ITGB4: variants seen among roughly 807,000 people sequenced by gnomAD.
ITGB4 encodes integrin subunit beta 4, also known as integrin beta-4.
ITGB4 carries 159 observed loss-of-function variants against 207.6 expected under a neutral mutation model. The observed-to-expected ratio is 0.77, with a 90% CI of 0.67 to 0.87. The LOEUF (loss-of-function observed/expected upper bound fraction) is 0.87, where lower values mean the gene tolerates loss of function less well. Ranked by LOEUF, ITGB4 falls within the 40% of genes least tolerant of loss-of-function variation. ITGB4 has a pLI of 0.00. For synonymous variants in ITGB4, 1,020 were observed against 1,062.7 expected (o/e 0.96, Z 0.78); for missense variants, 2,278 against 2,546.8 (o/e 0.89, Z 2.27).
intron 26 of ITGB4, among the ~76,000 whole-genome samples, chr17:75,748,585 A>G (rs1409103501): frequency 1.3e-5 from 2 of 151,114 alleles, no homozygotes; most frequent in Non-Finnish European, 2.9e-5. Flanking sequence ...TGTGAGAATC[A>G]TTTGAACCTG....
chr17:75,746,744 A>G (rs2061240790), intron 26 of ITGB4, among the ~76,000 whole-genome samples: 1 of 149,980 alleles, frequency 6.7e-6, no homozygotes, highest in Admixed American at 6.6e-5. Flanking sequence ...GTTCAAGACC[A>G]GCCTGGCCAA....
At chr17:75,749,707 G>A (rs2061322298) in intron 27 of ITGB4, among the ~76,000 whole-genome samples, 1 of 152,232 alleles carries the variant, frequency 6.6e-6, no homozygotes, top group Admixed American at 6.5e-5. Context: ...CTTGTGGAAG[G>A]AAGGAGTGGG....
rs531864331 is a variant in ITGB4 at position 75,739,483 on chromosome 17, C to T, written c.2221-189C>T. ...AGTTCCACGGCGCAAACTTTGGGAA[C>T]CCTCTGCCCCCATCCCCCTCTATGC... On this transcript the variant is annotated intron_variant, in intron 18 of 39. Transcript: ENST00000200181. This position sits in a 1 kb window ranked among gnomAD's most constrained non-coding sequence, Gnocchi z 5.4. 1.1e-4 allele frequency among the ~76,000 whole-genome samples: 16 copies of T among 152,210 alleles called. No individual in the cohort carries two copies. The highest frequency in any genetic ancestry group is 1.8e-4 in the Non-Finnish European group (12 of 67,996).
At chr17:75,751,254 T>G in intron 30 of ITGB4, 143 bp downstream of exon 30, 1 of 1,020,262 alleles carries the variant, frequency 9.8e-7, no homozygotes, top group Non-Finnish European at 1.5e-6. Context: ...CGGATAAGCC[T>G]GAGGCATCTT....
chr17:75,739,194 C>T lies in ITGB4; in HGVS notation c.2221-478C>T, dbSNP rs181930154. Among the ~76,000 whole-genome samples the T allele has an allele frequency of 4.0e-5, 6 of 150,204 alleles. No homozygotes were observed. The East Asian group carries it at 1.2e-3, about 29-fold the overall frequency. On this transcript the variant is annotated intron_variant, in intron 18 of 39. Coordinates refer to ENST00000200181, the MANE Select transcript of ITGB4 (RefSeq NM_000213.5). The surrounding 1 kb of genome is among the most constrained non-coding windows in gnomAD (Gnocchi z 5.4). Reference sequence around the variant, plus strand: ...CCTATAATCCCAGTTACTAGGGGGGCTGAGGCAGGAGAATTGCTTGAACCT... The same window carrying T: ...CCTATAATCCCAGTTACTAGGGGGGTTGAGGCAGGAGAATTGCTTGAACCT...
Position 75,727,676 on chromosome 17 carries a change from G to A in ITGB4, c.290G>A (p.Arg97Gln), listed in dbSNP as rs775271245. The A allele has an allele frequency of 2.8e-5, 45 of 1,609,384 alleles. No homozygotes were observed. The highest frequency in any genetic ancestry group is 5.3e-5 in the African/African-American group (4 of 74,828). Residue 97 changes from arginine (R) to glutamine (Q), a missense_variant, in exon 5 of 40, where the codon CGG (arginine) becomes CAG (glutamine). Physicochemically the swap from Arg to Gln is conservative, Grantham distance 43. Transcript: ENST00000200181. This position sits in a 1 kb window ranked among gnomAD's most constrained non-coding sequence, Gnocchi z 6.0. ...TEETQIDTTL[R>Q]RSQMSPQGLR... is the part of the protein sequence containing the mutation. ...GAGACCCAGATTGACACCACCCTGCGGCGCAGCCAGATGTCCCCCCAAGGC... is the reference window on the plus strand; with the variant it reads ...GAGACCCAGATTGACACCACCCTGCAGCGCAGCCAGATGTCCCCCCAAGGC...
chr17:75,748,944 G>T lies in ITGB4; in HGVS notation c.3215G>T (p.Arg1072Leu). 1.9e-6 allele frequency: 3 copies of T among 1,613,272 alleles called. No homozygotes were observed. In the South Asian group the frequency reaches 3.3e-5, roughly 18 times the overall value. ...LELQEVDSLL[R>L]GRQVRRFHVQ... ...CTGCAAGAAGTTGACTCCCTCCTGC[G>T]GGGCCGCCAGGTCCGCCGTTTCCAC... The change falls in exon 27 of 40, where the codon CGG becomes CTG. Residue 1072 changes from arginine to leucine, a missense_variant. Transcript: ENST00000200181.
chr17:75,755,127 C>G, intron 34 of ITGB4: 1 of 1,611,200 alleles, frequency 6.2e-7, no homozygotes, highest in Non-Finnish European at 8.5e-7. Flanking sequence ...CGGAGTCGGG[C>G]TCAGATGAAA....
At position 75,743,859 on chromosome 17, in the gene ITGB4, C is replaced by T. The variant is rs1432276221; in HGVS notation, c.3109C>T (p.Arg1037Trp). 8 of 1,582,958 alleles carry T rather than the reference C, an allele frequency of 5.1e-6. No homozygotes were observed. Among genetic ancestry groups the T allele is most frequent in the African/African-American group, 1.4e-5 (1 of 74,052 alleles). ...ACAGGATGGCACCGCGCAGGGCAAC[C>T]GGGTGAGGCTGCGCCACAGGGTCGA... is the stretch of plus-strand genomic sequence containing the variant. ...RTQDGTAQGN[R>W]DYIPVEGELL... The change falls in exon 26 of 40, where the codon CGG becomes TGG. Residue 1037 changes from arginine to tryptophan, a missense_variant and splice_region_variant. Arg to Trp is a moderately radical substitution (Grantham distance 101). Transcript: ENST00000200181.
In ITGB4 at chr17:75,727,159, G is replaced by T. The variant is rs2584100; in HGVS notation, c.80-36G>T. On this transcript the variant is annotated intron_variant, in intron 2 of 39. Transcript: ENST00000200181. The surrounding 1 kb of genome is among the most constrained non-coding windows in gnomAD (Gnocchi z 6.0). The stretch of plus-strand genomic sequence containing the variant: ...GGGAAAGTGCTTGCCTTTGCTGAGC[G>T]CCTCCCCATTCATGTGCCCACATCT... The T allele has an allele frequency of 6.3e-7, 1 of 1,590,874 alleles. No individual in the cohort carries two copies. Among genetic ancestry groups the T allele is most frequent in the Non-Finnish European group, 8.6e-7 (1 of 1,161,158 alleles).
At position 75,740,789 on chromosome 17, in the gene ITGB4, G is replaced by A; in HGVS notation, c.2551-4G>A. The A allele has an allele frequency of 6.2e-7, 1 of 1,612,924 alleles. No individual in the cohort carries two copies. ...CAGCCTCACGCCCCTCCCTTGCCTG[G>A]CAGCTGAACGAGGTCTACAGGCAGA... On this transcript the variant is annotated splice_region_variant and splice_polypyrimidine_tract_variant and intron_variant, in intron 21 of 39. Coordinates refer to ENST00000200181, the MANE Select transcript of ITGB4 (RefSeq NM_000213.5). The surrounding 1 kb of genome is among the most constrained non-coding windows in gnomAD (Gnocchi z 5.9).
At chr17:75,743,559 C>A (rs1040361774) in intron 25 of ITGB4, among the ~76,000 whole-genome samples, 154 bp from the exon 26 acceptor site, 1 of 152,140 alleles carries the variant, frequency 6.6e-6, no homozygotes, top group Non-Finnish European at 1.5e-5. Flanking sequence ...AAGGATTTTC[C>A]GTTTCGCTCC....
Position 75,757,499 on chromosome 17 carries a change from C to T in ITGB4, c.5413C>T (p.Leu1805=), listed in dbSNP as rs752256002. ...GACCCAGGAGTTTGTGAGCCGGACA[C>T]TGACCACCAGCGGAACCCTTAGCAC... ...HVTQEFVSRT[L]TTSGTLSTHM... is the part of the protein sequence containing the mutation. Residue 1805 remains leucine, a synonymous_variant, in exon 40 of 40, where the codon CTG becomes TTG. Transcript: ENST00000200181. The T allele has an allele frequency of 1.2e-6, 2 of 1,613,228 alleles. No homozygotes were observed. Among genetic ancestry groups the T allele is most frequent in the South Asian group, 1.1e-5 (1 of 91,080 alleles).
rs151016855 is a variant in ITGB4, at chr17:75,740,346, G to A, written c.2447-12G>A. ...CACCTCCATCTCACCCCCTCCCACC[G>A]CCTTTCCTTAGTGCCCTACGGGCTG... is the stretch of plus-strand genomic sequence containing the variant. On this transcript the variant is annotated splice_polypyrimidine_tract_variant and intron_variant, in intron 20 of 39. Transcript: ENST00000200181. The surrounding 1 kb of genome is among the most constrained non-coding windows in gnomAD (Gnocchi z 5.9). 2.1e-4 allele frequency: 343 copies of A among 1,609,880 alleles called. 1 individual carries two copies. In the African/African-American group the frequency reaches 3.7e-3, roughly 17 times the overall value.
At chr17:75,741,806 G>GA (rs113801225) in intron 23 of ITGB4, among the ~76,000 whole-genome samples, 175 of 133,762 alleles carry the variant, frequency 1.3e-3, no homozygotes, top group African/African-American at 1.8e-3. Flanking sequence ...AATCCGTCTT[G>GA]AAAAAAAAAA....
At chr17:75,757,365 G>A (rs1350789926) in intron 39 of ITGB4, 51 bp from the exon 40 acceptor site, 35 of 1,612,750 alleles carry the variant, frequency 2.2e-5, no homozygotes, top group Non-Finnish European at 2.9e-5. Flanking sequence ...AGCTAGCAGA[G>A]GGAGAAGGGC....
chr17:75,756,771 C>G lies in ITGB4; in HGVS notation c.4965C>G (p.Asp1655Glu), dbSNP rs375771696. ...GPLVFTALSP[D>E]SLQLSWERPR... is the part of the protein sequence containing the mutation. ...TGGTGTTCACTGCCCTGAGCCCAGACTCGCTGCAGCTGAGCTGGGAGCGGC... is the reference window on the plus strand; with the variant it reads ...TGGTGTTCACTGCCCTGAGCCCAGAGTCGCTGCAGCTGAGCTGGGAGCGGC... The change falls in exon 37 of 40, where the codon GAC (aspartate) becomes GAG (glutamate). Residue 1655 changes from aspartate (D) to glutamate (E), a missense_variant. Asp to Glu is a conservative substitution (Grantham distance 45). Transcript: ENST00000200181. The G allele has an allele frequency of 1.9e-6, 3 of 1,612,796 alleles. No individual in the cohort carries two copies. Among genetic ancestry groups the G allele is most frequent in the African/African-American group, 2.7e-5 (2 of 74,932 alleles).
rs1477338051 is a variant in ITGB4 at position 75,742,248 on chromosome 17, T to C, written c.2634-93T>C. The C allele has an allele frequency of 2.0e-6, 3 of 1,517,220 alleles. No individual in the cohort carries two copies. The highest frequency in any genetic ancestry group is 2.7e-6 in the Non-Finnish European group (3 of 1,100,530). 94.0% of individuals were successfully genotyped at this position (1,517,220 alleles called of 1,614,324 possible). ...CTGCACTTCTTGCTGTCTTACATCC[T>C]GGCCCCTGAAGGGGAGAAGACAGGC... On this transcript the variant is annotated intron_variant, in intron 23 of 39. Transcript: ENST00000200181. The surrounding 1 kb of genome is among the most constrained non-coding windows in gnomAD (Gnocchi z 5.9).
chr17:75,757,680 G>A lies in ITGB4; in HGVS notation c.*125G>A, dbSNP rs769616596. The A allele has an allele frequency of 4.5e-6, 6 of 1,346,734 alleles. No individual in the cohort carries two copies. Among genetic ancestry groups the A allele is most frequent in the Admixed American group, 1.8e-5 (1 of 56,872 alleles). 83.4% of individuals were successfully genotyped at this position (1,346,734 alleles called of 1,614,324 possible). A position where few individuals can be genotyped will look rare whatever the true frequency, so the allele number is the denominator to read the frequency against. ...AGCCCACCCGCATGCACAGAGCAGG[G>A]GCTAGGTGTCTCCTGGGAGGCATGA... On this transcript the variant is annotated 3_prime_UTR_variant, in exon 40 of 40. Coordinates refer to ENST00000200181, the MANE Select transcript of ITGB4 (RefSeq NM_000213.5).
Sources: allele counts gnomAD v4.1 joint callset (sites outside exome capture counted in the v4.1 genomes callset), GRCh38; gene constraint gnomAD v4.1.1; non-coding constraint Gnocchi (gnomAD v3.1); transcripts MANE v1.5; gene names NCBI Gene and HGNC (gene_info 2026-07-23, HGNC 2026-07-21).